The following PDZD8 variants were observed in gnomAD, a reference collection of about 807,000 sequenced individuals.
The protein encoded by PDZD8 is PDZ domain-containing protein 8.
In PDZD8, 14 loss-of-function variants were observed where a neutral mutation model predicts 85.8. The ratio of observed to expected loss-of-function variants is 0.16; its 90% CI spans 0.11 to 0.26. The LOEUF (loss-of-function observed/expected upper bound fraction) is 0.26. Ranked by LOEUF, PDZD8 falls within the 10% of genes least tolerant of loss-of-function variation. The probability of loss-of-function intolerance (pLI) is 1.00; values close to 1 mark genes in which losing one functional copy is unlikely to be tolerated. For missense variants in PDZD8, 1,197 were observed against 1,424.3 expected (o/e 0.84, Z 2.57); for synonymous variants, 592 against 568.6 (o/e 1.04, Z -0.59).
chr10:117,356,159 T>C (rs79836103), intron 1 of PDZD8, among the ~76,000 whole-genome samples: 1 of 152,140 alleles, frequency 6.6e-6, no homozygotes, highest in Non-Finnish European at 1.5e-5. Flanking sequence ...TCAATCCTTT[T>C]TTTCTTCTGT....
intron 3 of PDZD8, among the ~76,000 whole-genome samples, chr10:117,313,548 G>T (rs1253999103): frequency 1.3e-5 from 2 of 152,012 alleles, no homozygotes; most frequent in Non-Finnish European, 2.9e-5. Flanking sequence ...TCCTTACCCT[G>T]TTTCCCACAT....
chr10:117,325,983 G>C lies in PDZD8; in HGVS notation c.996-7009C>G, dbSNP rs1428923802. Among the ~76,000 whole-genome samples the C allele has an allele frequency of 2.6e-5, 4 of 152,230 alleles. No homozygotes were observed. The East Asian group carries it at 5.8e-4, about 22-fold the overall frequency. The stretch of plus-strand genomic sequence containing the variant: ...GAGACTCACAAGATGTGATGGTTTT[G>C]TAAGTGTCTGGCATTTCCCCTGCTC... On this transcript the variant is annotated intron_variant, in intron 2 of 4. Transcript: ENST00000334464.
At chr10:117,356,160 T>C (rs75827933) in intron 1 of PDZD8, among the ~76,000 whole-genome samples, 1 of 152,146 alleles carries the variant, frequency 6.6e-6, no homozygotes, top group Non-Finnish European at 1.5e-5. Context: ...CAATCCTTTT[T>C]TTCTTCTGTG....
At chr10:117,307,976 T>C (rs1230804876) in intron 3 of PDZD8, among the ~76,000 whole-genome samples, 1 of 152,140 alleles carries the variant, frequency 6.6e-6, no homozygotes, top group Non-Finnish European at 1.5e-5. Context: ...AAACTAGAGA[T>C]GTCAAATAGT....
chr10:117,375,364 G>A lies in PDZD8; in HGVS notation c.-137C>T. 1 of 606,882 alleles carries A rather than the reference G, an allele frequency of 1.6e-6. No homozygotes were observed. Among genetic ancestry groups the A allele is most frequent in the Non-Finnish European group, 2.4e-6 (1 of 414,326 alleles). The allele number at this position is 606,882 out of a possible 1,614,324, so 37.6% of individuals were successfully genotyped here. On this transcript the variant is annotated 5_prime_UTR_variant, in exon 1 of 5. Transcript: ENST00000334464. ...GAGCGGCTCCGTGGGCCTCGTCCAG[G>A]GGCTCGGGCCGGCGCGCTGCGGCGC...
chr10:117,344,645 C>T (rs144848891), intron 1 of PDZD8, among the ~76,000 whole-genome samples: 3,352 of 152,272 alleles, frequency 0.022, 108 homozygotes, highest in African/African-American at 0.074. Flanking sequence ...CCTCGGCCTC[C>T]CAAAGTGCTG....
chr10:117,283,081 A>C lies in PDZD8; in HGVS notation c.*187T>G. On this transcript the variant is annotated 3_prime_UTR_variant, in exon 5 of 5. Coordinates refer to ENST00000334464, the MANE Select transcript of PDZD8 (RefSeq NM_173791.5). Reference sequence around the variant, plus strand: ...AAAAGCATAGCTATAAATGCAATCCAAAACAACCAATTAGTAAGCTGGTCA... The same window carrying C: ...AAAAGCATAGCTATAAATGCAATCCCAAACAACCAATTAGTAAGCTGGTCA... The C allele has an allele frequency of 1.8e-6, 1 of 568,730 alleles. No individual in the cohort carries two copies. Among genetic ancestry groups the C allele is most frequent in the Non-Finnish European group, 3.0e-6 (1 of 338,614 alleles). The allele number at this position is 568,730 out of a possible 1,614,324, so 35.2% of individuals were successfully genotyped here.
At chr10:117,326,785 C>T (rs1024863957) in intron 2 of PDZD8, among the ~76,000 whole-genome samples, 1 of 152,160 alleles carries the variant, frequency 6.6e-6, no homozygotes, top group Non-Finnish European at 1.5e-5. Context: ...GAATTTCTAC[C>T]TACTAGCTGA....
intron 4 of PDZD8, among the ~76,000 whole-genome samples, chr10:117,286,791 G>A (rs888017458): frequency 2.0e-5 from 3 of 151,836 alleles, no homozygotes; most frequent in Non-Finnish European, 2.9e-5. Flanking sequence ...TTATTTTCTC[G>A]TCCTCATGTT....
chr10:117,346,998 C>T (rs986077580), intron 1 of PDZD8, among the ~76,000 whole-genome samples: 2 of 152,074 alleles, frequency 1.3e-5, no homozygotes. Context: ...GAGCTACCCA[C>T]TTTCTTAGCA....
intron 2 of PDZD8, among the ~76,000 whole-genome samples, chr10:117,322,463 A>G (rs1235707111): frequency 6.6e-6 from 1 of 152,118 alleles, no homozygotes; most frequent in Non-Finnish European, 1.5e-5. Context: ...TGCTGTGAGA[A>G]GGCACTTGAC....
At chr10:117,297,417 G>A (rs745909171) in intron 3 of PDZD8, among the ~76,000 whole-genome samples, 2 of 152,092 alleles carry the variant, frequency 1.3e-5, no homozygotes, top group Non-Finnish European at 2.9e-5. Context: ...ATTTACCAAA[G>A]AGAAATGAAA....
At chr10:117,287,255 G>A (rs1268159929) in intron 4 of PDZD8, among the ~76,000 whole-genome samples, 1 of 151,696 alleles carries the variant, frequency 6.6e-6, no homozygotes, top group Non-Finnish European at 1.5e-5. Flanking sequence ...TTACACAATT[G>A]GTTCTGATCA....
At chr10:117,300,478 T>A (rs1340675458) in intron 3 of PDZD8, among the ~76,000 whole-genome samples, 1 of 152,220 alleles carries the variant, frequency 6.6e-6, no homozygotes, top group South Asian at 2.1e-4. Flanking sequence ...TAATGTAGCA[T>A]CCAAACATTT....
intron 3 of PDZD8, among the ~76,000 whole-genome samples, chr10:117,295,705 GAATC>G (rs1183898878): frequency 4.6e-5 from 7 of 152,020 alleles, no homozygotes; most frequent in African/African-American, 9.7e-5. Context: ...ATAACCAAGT[GAATC>G]AATCAATGTA....
chr10:117,346,316 T>A (rs1844708465), intron 1 of PDZD8, among the ~76,000 whole-genome samples: 1 of 150,500 alleles, frequency 6.6e-6, no homozygotes, highest in Non-Finnish European at 1.5e-5. Context: ...ACAGGAATTG[T>A]AAAAAAAGAA....
intron 1 of PDZD8, among the ~76,000 whole-genome samples, chr10:117,354,593 A>G (rs1408311690): frequency 6.6e-6 from 1 of 150,722 alleles, no homozygotes; most frequent in East Asian, 1.9e-4. Context: ...GAGAATAGAG[A>G]GACCAGTCAA....
At chr10:117,290,140 T>C in intron 4 of PDZD8, 46 bp downstream of exon 4, 1 of 1,507,606 alleles carries the variant, frequency 6.6e-7, no homozygotes, top group South Asian at 1.3e-5. Flanking sequence ...ACCTACTTTG[T>C]AGTTTATCTG....
Position 117,283,753 on chromosome 10 carries a change from C to T in PDZD8, c.2980G>A (p.Gly994Arg), listed in dbSNP as rs1565014798. 5 of 1,614,114 alleles carry T rather than the reference C, an allele frequency of 3.1e-6. No individual in the cohort carries two copies. Among genetic ancestry groups the T allele is most frequent in the Non-Finnish European group, 4.2e-6 (5 of 1,180,024 alleles). ...VCGPNSPSKR[G>R]NSTGIKLVRK... ...ACTAACTTTATTCCTGTGCTGTTTC[C>T]CCGTTTAGAAGGACTGTTTGGACCA... Residue 994 changes from glycine to arginine, a missense_variant, in exon 5 of 5, where the codon GGA becomes AGA. Gly to Arg is a moderately radical substitution (Grantham distance 125, BLOSUM62 -2). This residue lies in a region of PDZD8 where 418 missense variants were observed against 571.1 expected (regional missense o/e 0.73). Transcript: ENST00000334464.
Sources: allele counts gnomAD v4.1 joint callset (sites outside exome capture counted in the v4.1 genomes callset), GRCh38; gene constraint gnomAD v4.1.1; regional missense constraint gnomAD v4.1.1; transcripts MANE v1.5; gene names NCBI Gene and HGNC (gene_info 2026-07-23, HGNC 2026-07-21).